PRKG1: variants seen among roughly 807,000 people sequenced by gnomAD.
The protein encoded by PRKG1 is cGMP-dependent protein kinase 1.
PRKG1 carries 35 observed loss-of-function variants against 88.1 expected under a neutral mutation model. That is an observed-to-expected ratio of 0.40 (90% CI 0.30 to 0.53). The LOEUF (loss-of-function observed/expected upper bound fraction) is 0.53, where lower values mean the gene tolerates loss of function less well. Among genes scored for constraint, PRKG1 ranks in the 20% least tolerant of loss-of-function variants. The probability of loss-of-function intolerance (pLI) is 0.59; values close to 1 mark genes in which losing one functional copy is unlikely to be tolerated. For synonymous variants in PRKG1, 303 were observed against 292.5 expected, an observed-to-expected ratio of 1.04 and a Z score of -0.37; for missense variants, 540 against 839.8, an observed-to-expected ratio of 0.64 and a Z score of 4.41.
chr10:52,151,382 AT>A (rs1837911773), intron 8 of PRKG1, among the ~76,000 whole-genome samples: 1 of 152,220 alleles, frequency 6.6e-6, no homozygotes, highest in Non-Finnish European at 1.5e-5. Context: ...ACATAATTCT[AT>A]CACAAAATGG....
At chr10:51,682,416 G>A (rs1370907383) in intron 3 of PRKG1, among the ~76,000 whole-genome samples, 1 of 152,144 alleles carries the variant, frequency 6.6e-6, no homozygotes, top group Admixed American at 6.5e-5. Flanking sequence ...TCCTTGGAGT[G>A]TCTCTTTCCT....
At chr10:51,866,965 A>T (rs1021406216) in intron 4 of PRKG1, among the ~76,000 whole-genome samples, 5 of 152,214 alleles carry the variant, frequency 3.3e-5, no homozygotes, top group African/African-American at 9.6e-5. Context: ...TGATGGAGGT[A>T]TATAAAATGG....
chr10:52,262,461 A>C (rs1589742697), intron 10 of PRKG1, among the ~76,000 whole-genome samples: 1 of 151,894 alleles, frequency 6.6e-6, no homozygotes, highest in African/African-American at 2.4e-5. Context: ...GGTAGAGATG[A>C]AGTTTCACCA....
chr10:51,822,435 G>C (rs536909435), intron 4 of PRKG1, among the ~76,000 whole-genome samples: 1 of 152,182 alleles, frequency 6.6e-6, no homozygotes, highest in East Asian at 1.9e-4. Context: ...GAAATAGGGA[G>C]CTATTGAACA....
chr10:51,683,550 C>T (rs942491134), intron 3 of PRKG1, among the ~76,000 whole-genome samples: 2 of 152,124 alleles, frequency 1.3e-5, no homozygotes, highest in Non-Finnish European at 2.9e-5. Context: ...TGTCTTCCTG[C>T]CCTGGGGTTT....
chr10:52,282,230 C>T lies in PRKG1; in HGVS notation c.1623C>T (p.Ala541=). ...TTTGTGGGACTCCAGAGTATGTAGC[C>T]CCAGAGATCATCCTGAACAAAGGCC... The part of the protein sequence containing the change: ...WTFCGTPEYV[A]PEIILNKGHD... The change falls in exon 14 of 18, where the codon GCC becomes GCT. Residue 541 remains alanine (A), a synonymous_variant. Coordinates refer to ENST00000373980, the MANE Select transcript of PRKG1 (RefSeq NM_006258.4). The T allele has an allele frequency of 3.7e-6, 6 of 1,611,774 alleles. No homozygotes were observed. The highest frequency in any genetic ancestry group is 5.1e-6 in the Non-Finnish European group (6 of 1,178,664).
At chr10:51,883,509 G>A (rs777643538) in intron 4 of PRKG1, among the ~76,000 whole-genome samples, 3 of 152,174 alleles carry the variant, frequency 2.0e-5, no homozygotes, top group Admixed American at 6.5e-5. Flanking sequence ...CTTCATTGCA[G>A]TATTGAGGTA....
intron 2 of PRKG1, among the ~76,000 whole-genome samples, chr10:51,157,192 G>C (rs1229325813): frequency 6.6e-6 from 1 of 151,890 alleles, no homozygotes; most frequent in Non-Finnish European, 1.5e-5. Context: ...AGTCATCTGG[G>C]TGTAGTATGC....
chr10:52,177,565 G>A (rs555807837), intron 9 of PRKG1, among the ~76,000 whole-genome samples: 2 of 152,036 alleles, frequency 1.3e-5, no homozygotes, highest in Non-Finnish European at 2.9e-5. Flanking sequence ...GGAATATTTT[G>A]AGAATAATTG....
intron 2 of PRKG1, among the ~76,000 whole-genome samples, chr10:51,364,744 G>A (rs1345552273): frequency 6.6e-6 from 1 of 151,824 alleles, no homozygotes; most frequent in Non-Finnish European, 1.5e-5. Context: ...TCATTTATCT[G>A]GGTTGAATTT....
intron 4 of PRKG1, among the ~76,000 whole-genome samples, chr10:51,854,235 CT>C (rs1478993864): frequency 6.6e-6 from 1 of 152,030 alleles, no homozygotes; most frequent in Non-Finnish European, 1.5e-5. Flanking sequence ...TTAATCTTCC[CT>C]TTTTGATTTG....
intron 2 of PRKG1, among the ~76,000 whole-genome samples, chr10:51,407,329 C>T (rs148582357): frequency 6.6e-6 from 1 of 152,206 alleles, no homozygotes; most frequent in East Asian, 1.9e-4. Flanking sequence ...TATCATAAAA[C>T]AACTATCTTT....
chr10:51,715,828 A>C (rs559893638), intron 3 of PRKG1, among the ~76,000 whole-genome samples: 1 of 152,342 alleles, frequency 6.6e-6, no homozygotes, highest in African/African-American at 2.4e-5. Context: ...TGTATTACTA[A>C]ATTTGATGAT....
chr10:51,503,361 A>G (rs548803417), intron 3 of PRKG1, among the ~76,000 whole-genome samples: 2 of 152,164 alleles, frequency 1.3e-5, no homozygotes, highest in African/African-American at 2.4e-5. Context: ...TAAGAGTTCA[A>G]TGAAATCCTA....
At chr10:52,144,609 G>C (rs527269226) in intron 8 of PRKG1, among the ~76,000 whole-genome samples, 149 of 152,172 alleles carry the variant, frequency 9.8e-4, no homozygotes, top group African/African-American at 3.3e-3. Context: ...TCAGGAGTTC[G>C]AGACCAGCCT....
intron 5 of PRKG1, among the ~76,000 whole-genome samples, chr10:52,033,677 T>A: frequency 6.6e-6 from 1 of 151,980 alleles, no homozygotes; most frequent in South Asian, 2.1e-4. Context: ...GCAGGAGCTG[T>A]TGGGGGAGGG....
intron 3 of PRKG1, among the ~76,000 whole-genome samples, chr10:51,582,720 T>G (rs1476008121): frequency 6.6e-6 from 1 of 152,144 alleles, no homozygotes; most frequent in Non-Finnish European, 1.5e-5. Flanking sequence ...GGCATTTGGG[T>G]TGGTTCCATG....
Position 51,633,035 on chromosome 10 carries a change from A to C in PRKG1, c.592+165199A>C, listed in dbSNP as rs142910060. Among the ~76,000 whole-genome samples the C allele has an allele frequency of 1.4e-3, 207 of 152,262 alleles. 2 individuals are homozygous for C. The East Asian group carries it at 0.029, about 21-fold the overall frequency. ...TAGTCTTTACATTTAGTTTTTTATC[A>C]ATAGATTTGGACCACTATGCTTAAA... On this transcript the variant is annotated intron_variant, in intron 3 of 17. Transcript: ENST00000373980.
Position 52,224,808 on chromosome 10 carries a change from CATATATATATATATATAT to C in PRKG1, c.1077-26748_1077-26731del, listed in dbSNP as rs71032630. 1.0e-4 allele frequency among the ~76,000 whole-genome samples: 11 copies of C among 106,370 alleles called. 1 individual carries two copies. The highest frequency in any genetic ancestry group is 1.9e-4 in the Non-Finnish European group (10 of 52,262). The allele number at this position is 106,370 out of a possible 152,430, so 69.8% of individuals were successfully genotyped here. On this transcript the variant is annotated intron_variant, in intron 9 of 17. Transcript: ENST00000373980. ...TTTTTATGGCTGCATAGTATTCCAT[CATATATATATATATATAT>C]ATATATATATATACATACATACATA...
Sources: allele counts gnomAD v4.1 joint callset (sites outside exome capture counted in the v4.1 genomes callset), GRCh38; gene constraint gnomAD v4.1.1; transcripts MANE v1.5; gene names NCBI Gene and HGNC (gene_info 2026-07-23, HGNC 2026-07-21).